TAS2R1: variants seen among roughly 807,000 people sequenced by gnomAD.
TAS2R1 encodes taste receptor type 2 member 1.
For synonymous variants in TAS2R1, 141 were observed against 134.2 expected, an observed-to-expected ratio of 1.05 and a Z score of -0.35; for missense variants, 370 against 353.4, an observed-to-expected ratio of 1.05 and a Z score of -0.38.
the TAS2R1 span, among the ~76,000 whole-genome samples, chr5:9,775,125 G>A: frequency 6.6e-6 from 1 of 152,158 alleles, no homozygotes; most frequent in Non-Finnish European, 1.5e-5. Context: ...TACCATGGCT[G>A]AGCTGGCACC....
At chr5:9,874,961 A>G in the TAS2R1 span, among the ~76,000 whole-genome samples, 1 of 152,182 alleles carries the variant, frequency 6.6e-6, no homozygotes, top group Non-Finnish European at 1.5e-5. Flanking sequence ...GGGCATTCTT[A>G]TAATAAGGGT....
the TAS2R1 span, among the ~76,000 whole-genome samples, chr5:9,882,746 T>C: frequency 6.6e-6 from 1 of 152,334 alleles, no homozygotes; most frequent in African/African-American, 2.4e-5. Flanking sequence ...AGTTTAACCA[T>C]TGTGGAAGAT....
At chr5:9,746,242 C>A in the TAS2R1 span, among the ~76,000 whole-genome samples, 22 of 151,972 alleles carry the variant, frequency 1.4e-4, no homozygotes, top group Non-Finnish European at 4.4e-5. Flanking sequence ...GTTAGAATGG[C>A]GATCATTAAA....
At position 9,629,394 on chromosome 5, in the gene TAS2R1, G is replaced by A. The variant is rs560509095; in HGVS notation, c.639C>T (p.Ala213=). The part of the protein sequence containing the change: ...RHTRQMRNTV[A]GSRVPGRGAP... ...CACCCCTGCCAGGAACCCTGCTGCCGGCCACTGTGTTTCTCATTTGCCGGG... is the reference window on the plus strand; with the variant it reads ...CACCCCTGCCAGGAACCCTGCTGCCAGCCACTGTGTTTCTCATTTGCCGGG... Residue 213 remains alanine, a synonymous_variant, in exon 1 of 1, where the codon GCC becomes GCT. Coordinates refer to ENST00000382492, the MANE Select transcript of TAS2R1 (RefSeq NM_019599.3). 3.6e-5 allele frequency: 58 copies of A among 1,614,058 alleles called. No individual in the cohort carries two copies. Among genetic ancestry groups the A allele is most frequent in the South Asian group, 1.5e-4 (14 of 91,068 alleles).
rs1011745003 is a variant in TAS2R1, at chr5:9,702,022, T to A, written c.-242+10150A>T. ...TTAGATTTCCCATCTTCAGAAACAT[T>A]TAGGACGATGTTGAGCATGAAATCC... On this transcript the variant is annotated intron_variant, in intron 1 of 2. Coordinates refer to the TAS2R1 transcript ENST00000506620. 2.0e-4 allele frequency among the ~76,000 whole-genome samples: 30 copies of A among 152,148 alleles called. 1 individual carries two copies. Among genetic ancestry groups the A allele is most frequent in the Admixed American group, 1.4e-3 (22 of 15,270 alleles).
the TAS2R1 span, among the ~76,000 whole-genome samples, chr5:9,792,246 T>A: frequency 6.6e-6 from 1 of 152,206 alleles, no homozygotes; most frequent in Non-Finnish European, 1.5e-5. Flanking sequence ...CACACATATA[T>A]GCATGTAAAT....
the TAS2R1 span, among the ~76,000 whole-genome samples, chr5:9,887,678 G>A: frequency 2.6e-5 from 4 of 152,150 alleles, no homozygotes; most frequent in Admixed American, 2.6e-4. Context: ...TTGTTACCAG[G>A]CTGCCACTAA....
chr5:9,698,277 C>A (rs951201490), intron 1 of TAS2R1, among the ~76,000 whole-genome samples: 6 of 152,076 alleles, frequency 3.9e-5, no homozygotes, highest in Non-Finnish European at 8.8e-5. Flanking sequence ...TTTCCTGGAA[C>A]TTCAAAAATA....
At chr5:9,822,124 T>C in the TAS2R1 span, among the ~76,000 whole-genome samples, 2 of 152,166 alleles carry the variant, frequency 1.3e-5, no homozygotes, top group African/African-American at 4.8e-5. Context: ...ATTCTTTCCT[T>C]CCTTAAGACT....
chr5:9,755,601 A>AG, the TAS2R1 span, among the ~76,000 whole-genome samples: 10 of 151,970 alleles, frequency 6.6e-5, no homozygotes, highest in East Asian at 9.6e-4. Context: ...AAAAAAAAAA[A>AG]AAAAGAAAAA....
the TAS2R1 span, among the ~76,000 whole-genome samples, chr5:9,808,301 G>C: frequency 6.6e-6 from 1 of 151,912 alleles, no homozygotes; most frequent in Non-Finnish European, 1.5e-5. Flanking sequence ...CTATTATATA[G>C]TGGCAAAGAA....
chr5:9,718,004 C>CCCAG, the TAS2R1 span, among the ~76,000 whole-genome samples: 2 of 152,102 alleles, frequency 1.3e-5, no homozygotes, highest in Non-Finnish European at 2.9e-5. Flanking sequence ...TCTGTTGCCA[C>CCCAG]GCTGGAGTGC....
At chr5:9,742,314 T>C in the TAS2R1 span, among the ~76,000 whole-genome samples, 1 of 152,226 alleles carries the variant, frequency 6.6e-6, no homozygotes, top group South Asian at 2.1e-4. Flanking sequence ...CTGAAAACTT[T>C]AGGCAGACTC....
At chr5:9,631,109 C>T (rs1484227404), upstream of TAS2R1, among the ~76,000 whole-genome samples, 1 of 152,168 alleles carries the variant, frequency 6.6e-6, no homozygotes, top group African/African-American at 2.4e-5. Flanking sequence ...TGTTTCGAGA[C>T]ATTGCCAAAT....
chr5:9,648,267 A>G (rs1740235430), intron 2 of TAS2R1, among the ~76,000 whole-genome samples: 1 of 152,184 alleles, frequency 6.6e-6, no homozygotes, highest in South Asian at 2.1e-4. Flanking sequence ...ACTTTTAAGT[A>G]AATAAAAATT....
rs182372487 is a variant in TAS2R1 at position 9,640,427 on chromosome 5, G to A, written c.-80-10435C>T. Among the ~76,000 whole-genome samples the A allele has an allele frequency of 3.7e-4, 47 of 128,308 alleles. 1 individual carries two copies. The South Asian group carries it at 7.9e-3, about 22-fold the overall frequency. The allele number at this position is 128,308 out of a possible 152,430, so 84.2% of individuals were successfully genotyped here. A position where few individuals can be genotyped will look rare whatever the true frequency, so the allele number is the denominator to read the frequency against. On this transcript the variant is annotated intron_variant, in intron 2 of 2. Coordinates refer to the TAS2R1 transcript ENST00000506620. ...AAGGTATGACAGAGACATGAAGAGAGCACAAGCTGTTGGAAAAATGACCCC... is the reference window on the plus strand; with the variant it reads ...AAGGTATGACAGAGACATGAAGAGAACACAAGCTGTTGGAAAAATGACCCC...
chr5:9,894,692 C>T, the TAS2R1 span, among the ~76,000 whole-genome samples: 2 of 152,328 alleles, frequency 1.3e-5, no homozygotes, highest in East Asian at 3.9e-4. Context: ...TCCTGGTCAC[C>T]TAGAGATGCT....
At chr5:9,889,945 T>C in the TAS2R1 span, 2 of 152,070 alleles carry the variant, frequency 1.3e-5, no homozygotes, top group Non-Finnish European at 2.9e-5. Flanking sequence ...GAGTGTAAGG[T>C]ATATTGAGAT....
chr5:9,762,488 A>G, the TAS2R1 span, among the ~76,000 whole-genome samples: 1 of 152,222 alleles, frequency 6.6e-6, no homozygotes, highest in African/African-American at 2.4e-5. Context: ...GTCTTTTCCA[A>G]CCACAACAAA....
Sources: allele counts gnomAD v4.1 joint callset (sites outside exome capture counted in the v4.1 genomes callset), GRCh38; gene constraint gnomAD v4.1.1; transcripts MANE v1.5; gene names NCBI Gene and HGNC (gene_info 2026-07-23, HGNC 2026-07-21).